Variants in CLPX observed in about 807,000 individuals in gnomAD.
CLPX encodes ATP-dependent clpX-like chaperone, mitochondrial.
A neutral mutation model predicts 76.4 loss-of-function variants in CLPX; 34 were observed. That is an observed-to-expected ratio of 0.45 (90% CI 0.34 to 0.59). The LOEUF (loss-of-function observed/expected upper bound fraction) is 0.59, where lower values mean the gene tolerates loss of function less well. Among genes scored for constraint, CLPX ranks in the 20% least tolerant of loss-of-function variants. The pLI is 0.01. For synonymous variants in CLPX, 248 were observed against 270.9 expected (o/e 0.92, Z 0.83); for missense variants, 613 against 757.0 (o/e 0.81, Z 2.23).
In CLPX at chr15:65,163,303, TATGTG is replaced by T. The variant is rs1341008178; in HGVS notation, c.674-663_674-659del. ...TACCATCACATACCTATTTTGCAGT[TATGTG>T]ATGTAAGTTCAGCAAGTGAACAAGT... On this transcript the variant is annotated intron_variant, in intron 5 of 13. Transcript: ENST00000300107. 3.9e-5 allele frequency among the ~76,000 whole-genome samples: 6 copies of T among 152,350 alleles called. No individual in the cohort carries two copies. In the East Asian group the frequency reaches 9.6e-4, roughly 24 times the overall value.
Position 65,185,117 on chromosome 15 carries a change from C to A in CLPX, c.37G>T (p.Ala13Ser), listed in dbSNP as rs745375531. 6 of 1,580,448 alleles carry A rather than the reference C, an allele frequency of 3.8e-6. No homozygotes were observed. The highest frequency in any genetic ancestry group is 5.2e-6 in the Non-Finnish European group (6 of 1,164,010). Reference sequence around the variant, plus strand: ...AGTGAGGAGGTGATGAGCCGGACGGCCGCCGCGCCGCAAGTACAAGCACCG... The same window carrying A: ...AGTGAGGAGGTGATGAGCCGGACGGACGCCGCGCCGCAAGTACAAGCACCG... Reference protein sequence around the residue: ...SCGACTCGAAAVRLITSSLAS... With the variant: ...SCGACTCGAASVRLITSSLAS... Residue 13 changes from alanine (A) to serine (S), a missense_variant, in exon 1 of 14, where the codon GCC (alanine) becomes TCC (serine). Transcript: ENST00000300107.
rs1219208926 is a variant in CLPX, at chr15:65,160,623, T to TCTCACACACACA, written c.716-1873_716-1872insTGTGTGTGTGAG. On this transcript the variant is annotated intron_variant, in intron 6 of 13. Coordinates refer to ENST00000300107, the MANE Select transcript of CLPX (RefSeq NM_006660.5). ...CTCTCTCTCTCTCTCTCTCTCTCTC[T>TCTCACACACACA]CACACACACACACACACACACACAC... 1.8e-3 allele frequency among the ~76,000 whole-genome samples: 182 copies of TCTCACACACACA among 101,002 alleles called. 1 individual carries two copies. The highest frequency in any genetic ancestry group is 6.6e-3 in the African/African-American group (174 of 26,516). 66.3% of individuals were successfully genotyped at this position (101,002 alleles called of 152,430 possible). A position where few individuals can be genotyped will look rare whatever the true frequency, so the allele number is the denominator to read the frequency against.
In CLPX at chr15:65,169,970, AG is replaced by A. The variant is rs199966852; in HGVS notation, c.359-3186del. On this transcript the variant is annotated intron_variant, in intron 3 of 13. Transcript: ENST00000300107. ...GAGATGGGGTTTGACCATGTTGGTC[AG>A]GCTGGTCTCAAATTCCTGACCTCAG... Among the ~76,000 whole-genome samples, 926 of 152,132 alleles carry A rather than the reference AG, an allele frequency of 6.1e-3. 7 individuals are homozygous for A. Among genetic ancestry groups the A allele is most frequent in the African/African-American group, 0.021 (890 of 41,510 alleles).
In CLPX at chr15:65,185,278, A is replaced by G; in HGVS notation, c.-125T>C. On this transcript the variant is annotated 5_prime_UTR_variant, in exon 1 of 14. Transcript: ENST00000300107. The stretch of plus-strand genomic sequence containing the variant: ...TTCGCGGGCCCTAGACCCCGTGGAG[A>G]GTTCACCTGCCCGGCAGCCAGGCCT... The G allele has an allele frequency of 2.8e-6, 2 of 718,280 alleles. No individual in the cohort carries two copies. The highest frequency in any genetic ancestry group is 2.8e-5 in the East Asian group (1 of 35,672). 44.5% of individuals were successfully genotyped at this position (718,280 alleles called of 1,614,324 possible).
Position 65,185,061 on chromosome 15 carries a change from C to T in CLPX, c.79+14G>A. 2 of 1,495,850 alleles carry T rather than the reference C, an allele frequency of 1.3e-6. No individual in the cohort carries two copies. Among genetic ancestry groups the T allele is most frequent in the South Asian group, 1.2e-5 (1 of 83,666 alleles). The allele number at this position is 1,495,850 out of a possible 1,614,324, so 92.7% of individuals were successfully genotyped here. The stretch of plus-strand genomic sequence containing the variant: ...CGACAGGCTGAGGGCTCAGGAGTGG[C>T]ACTATTTCGTTACCTCTCTGCGCGG... On this transcript the variant is annotated intron_variant, in intron 1 of 13. Transcript: ENST00000300107.
At position 65,148,904 on chromosome 15, in the gene CLPX, A is replaced by G. The variant is rs1041208353; in HGVS notation, c.*1919T>C. The G allele has an allele frequency of 6.6e-6, 1 of 152,224 alleles. No homozygotes were observed. Among genetic ancestry groups the G allele is most frequent in the Non-Finnish European group, 1.5e-5 (1 of 68,034 alleles). The allele number at this position is 152,224 out of a possible 1,614,324, so 9.4% of individuals were successfully genotyped here. A position where few individuals can be genotyped will look rare whatever the true frequency, so the allele number is the denominator to read the frequency against. ...GGAATTAAATGATACAATTTTCATTAAGACCCCAAATATCCCACCACTTTT... is the reference window on the plus strand; with the variant it reads ...GGAATTAAATGATACAATTTTCATTGAGACCCCAAATATCCCACCACTTTT... On this transcript the variant is annotated 3_prime_UTR_variant, in exon 14 of 14. Coordinates refer to ENST00000300107, the MANE Select transcript of CLPX (RefSeq NM_006660.5).
At chr15:65,168,256 C>A (rs1228762480) in intron 3 of CLPX, among the ~76,000 whole-genome samples, 1 of 149,988 alleles carries the variant, frequency 6.7e-6, no homozygotes, top group Admixed American at 6.7e-5. Context: ...TGGTGGTGGG[C>A]GCCTGTAGTC....
chr15:65,183,321 CGTG>C (rs2088203367), intron 1 of CLPX, among the ~76,000 whole-genome samples: 1 of 151,314 alleles, frequency 6.6e-6, no homozygotes, highest in South Asian at 2.1e-4. Context: ...ATTAGCCAGG[CGTG>C]GTGGCGGGCG....
chr15:65,153,866 C>A (rs1278591386), intron 11 of CLPX, among the ~76,000 whole-genome samples: 6 of 152,024 alleles, frequency 3.9e-5, no homozygotes, highest in African/African-American at 7.3e-5. Flanking sequence ...TTTTTTTCAA[C>A]ATTTACTAAA....
rs1186889597 is a variant in CLPX, at chr15:65,150,485, G to C, written c.*338C>G. 1.1e-5 allele frequency: 2 copies of C among 176,224 alleles called. No individual in the cohort carries two copies. Among genetic ancestry groups the C allele is most frequent in the Non-Finnish European group, 1.2e-5 (1 of 84,070 alleles). The allele number at this position is 176,224 out of a possible 1,614,324, so 10.9% of individuals were successfully genotyped here. ...TAAAGAATTTATTTTCCCATTTGTA[G>C]AGTAACATTATTGTAAAATCTACAG... On this transcript the variant is annotated 3_prime_UTR_variant, in exon 14 of 14. Transcript: ENST00000300107.
intron 13 of CLPX, 39 bp downstream of exon 13, chr15:65,152,391 T>G: frequency 1.0e-6 from 1 of 995,660 alleles, no homozygotes; most frequent in Non-Finnish European, 1.4e-6. Flanking sequence ...GAGCTCATCT[T>G]AAATTTTGTA....
intron 3 of CLPX, among the ~76,000 whole-genome samples, chr15:65,169,250 G>A (rs950099490): frequency 1.1e-4 from 16 of 151,586 alleles, no homozygotes; most frequent in African/African-American, 1.7e-4. Context: ...CACTGCGCCC[G>A]GCCGATGCCT....
intron 13 of CLPX, among the ~76,000 whole-genome samples, chr15:65,151,808 T>A (rs767923401): frequency 6.6e-6 from 1 of 152,186 alleles, no homozygotes; most frequent in Non-Finnish European, 1.5e-5. Context: ...ATGATTTGAG[T>A]TAAACAGAAA....
intron 3 of CLPX, among the ~76,000 whole-genome samples, chr15:65,176,982 C>G (rs1260972182): frequency 6.6e-6 from 1 of 152,022 alleles, no homozygotes; most frequent in East Asian, 1.9e-4. Context: ...ATATAAGACA[C>G]TGACCTTATA....
intron 6 of CLPX, among the ~76,000 whole-genome samples, chr15:65,161,091 C>T (rs936268330): frequency 6.6e-6 from 1 of 152,160 alleles, no homozygotes; most frequent in African/African-American, 2.4e-5. Context: ...ACACTTAGAA[C>T]AATACCTGGC....
chr15:65,166,481 C>G, intron 4 of CLPX, 150 bp downstream of exon 4: 1 of 786,464 alleles, frequency 1.3e-6, no homozygotes, highest in East Asian at 2.7e-5. Flanking sequence ...TTCCAAAAGG[C>G]AATAACAATT....
intron 9 of CLPX, chr15:65,156,624 T>A (rs1249478475): frequency 2.8e-5 from 13 of 468,976 alleles, no homozygotes; most frequent in Admixed American, 3.9e-5. Context: ...TTTTTTCTGT[T>A]CTTCAAAATA....
intron 1 of CLPX, among the ~76,000 whole-genome samples, chr15:65,180,693 G>A (rs1450377766): frequency 2.0e-5 from 3 of 152,028 alleles, no homozygotes; most frequent in African/African-American, 2.4e-5. Flanking sequence ...CTAGAGGTCA[G>A]GAGTTCAAAA....
intron 2 of CLPX, among the ~76,000 whole-genome samples, chr15:65,179,359 AT>A (rs2088133130): frequency 6.6e-6 from 1 of 152,182 alleles, no homozygotes; most frequent in Admixed American, 6.6e-5. Flanking sequence ...AAAAAACTAC[AT>A]TTCAATGAAA....
Sources: gnomAD v4.1 joint callset for allele counts (sites outside exome capture counted in the v4.1 genomes callset) on GRCh38, gnomAD v4.1.1 for gene constraint, MANE v1.5 for transcripts, NCBI Gene and HGNC (gene_info 2026-07-23, HGNC 2026-07-21) for gene names.